The following PIH1D1 variants were observed in gnomAD, a reference collection of about 807,000 sequenced individuals.
PIH1D1 encodes the protein PIH1 domain-containing protein 1.
A neutral mutation model predicts 38.5 loss-of-function variants in PIH1D1; 28 were observed. That is an observed-to-expected ratio of 0.73 (90% CI 0.54 to 1.00). The LOEUF (loss-of-function observed/expected upper bound fraction) is 1.00, where lower values mean the gene tolerates loss of function less well. PIH1D1 is among the 50% of genes least tolerant of loss of function. The pLI, the probability that PIH1D1 is intolerant of heterozygous loss-of-function variation, is 0.00. For missense variants in PIH1D1, 343 were observed against 369.9 expected (o/e 0.93, Z 0.60); for synonymous variants, 155 against 153.5 (o/e 1.01, Z -0.07).
At chr19:49,451,176 CCCG>C (rs1350294384) in intron 1 of PIH1D1, among the ~76,000 whole-genome samples, 2 of 151,836 alleles carry the variant, frequency 1.3e-5, no homozygotes, top group African/African-American at 4.8e-5. Flanking sequence ...ACTACAGGTG[CCCG>C]CCACCACGCC....
At chr19:49,450,687 C>G in intron 2 of PIH1D1, 95 bp downstream of exon 2, 2 of 491,304 alleles carry the variant, frequency 4.1e-6, no homozygotes, top group South Asian at 6.9e-5. Flanking sequence ...ACCCCACCCC[C>G]ACCCTAGGCC....
intron 3 of PIH1D1, 133 bp downstream of exon 3, chr19:49,449,342 T>G: frequency 3.6e-6 from 3 of 841,588 alleles, no homozygotes; most frequent in Non-Finnish European, 3.9e-6. Context: ...AGATCTACCA[T>G]AGGGAAAAGA....
At chr19:49,450,523 A>G (rs571589560) in intron 2 of PIH1D1, among the ~76,000 whole-genome samples, 10 of 152,026 alleles carry the variant, frequency 6.6e-5, no homozygotes, top group African/African-American at 2.4e-4. Flanking sequence ...GGTTCCAGCA[A>G]TTCTCCTGTC....
chr19:49,451,259 G>A, intron 1 of PIH1D1: 1 of 550,336 alleles, frequency 1.8e-6, no homozygotes, highest in Non-Finnish European at 3.2e-6. Flanking sequence ...TCGATCTCCT[G>A]ACCTCGTGAT....
In PIH1D1 at chr19:49,446,703, G is replaced by T. The variant is rs769252312; in HGVS notation, c.688-9C>A. 6.5e-7 allele frequency: 1 copy of T among 1,543,456 alleles called. No homozygotes were observed. Among genetic ancestry groups the T allele is most frequent in the South Asian group, 1.3e-5 (1 of 78,836 alleles). On this transcript the variant is annotated splice_polypyrimidine_tract_variant and intron_variant, in intron 7 of 8. Coordinates refer to ENST00000262265, the MANE Select transcript of PIH1D1 (RefSeq NM_017916.3). ...AGCCCCAGGGCTCCATCCTGGAGAG[G>T]TGGCGGAATCAGGTCACCCTCCCCA...
intron 3 of PIH1D1, 32 bp from the exon 4 acceptor site, chr19:49,448,094 C>A: frequency 6.2e-7 from 1 of 1,605,290 alleles, no homozygotes; most frequent in South Asian, 1.1e-5. Flanking sequence ...GAGGACCCCC[C>A]AGCCCTCTGC....
rs778063642 is a variant in PIH1D1, at chr19:49,451,774, C to G, written c.-200G>C. On this transcript the variant is annotated 5_prime_UTR_variant, in exon 1 of 9. Coordinates refer to ENST00000262265, the MANE Select transcript of PIH1D1 (RefSeq NM_017916.3). ...TCAAATCCGTGGGGAATATGTGTCTCTAGACGCACTACCCTCCGTCCTACG... is the reference window on the plus strand; with the variant it reads ...TCAAATCCGTGGGGAATATGTGTCTGTAGACGCACTACCCTCCGTCCTACG... 1.5e-5 allele frequency: 21 copies of G among 1,393,966 alleles called. No individual in the cohort carries two copies. Among genetic ancestry groups the G allele is most frequent in the Non-Finnish European group, 1.7e-5 (18 of 1,070,690 alleles). The allele number at this position is 1,393,966 out of a possible 1,614,324, so 86.3% of individuals were successfully genotyped here. A position where few individuals can be genotyped will look rare whatever the true frequency, so the allele number is the denominator to read the frequency against.
chr19:49,449,751 C>A (rs2079046710), intron 2 of PIH1D1, 97 bp from the exon 3 acceptor site: 1 of 1,078,508 alleles, frequency 9.3e-7, no homozygotes, highest in East Asian at 2.6e-5. Context: ...TTTGCCCTGT[C>A]CCCCTTTTTT....
chr19:49,447,236 A>G (rs1175855439), intron 6 of PIH1D1, 102 bp downstream of exon 6: 3 of 1,537,060 alleles, frequency 2.0e-6, no homozygotes, highest in Non-Finnish European at 2.7e-6. Context: ...TCCCTCTCTC[A>G]GTGCCCAGGG....
rs1278427826 is a variant in PIH1D1 at position 49,449,470 on chromosome 19, C to T, written c.337+5G>A. The T allele has an allele frequency of 6.2e-7, 1 of 1,614,072 alleles. No homozygotes were observed. The highest frequency in any genetic ancestry group is 8.5e-7 in the Non-Finnish European group (1 of 1,179,948). ...CAGACTCCTGGGTCCTCTGAGGGCA[C>T]TGACTTGCATCCAGTTCTGCATGAG... is the stretch of plus-strand genomic sequence containing the variant. On this transcript the variant is annotated splice_donor_5th_base_variant and intron_variant, in intron 3 of 8. Transcript: ENST00000262265.
At position 49,447,415 on chromosome 19, in the gene PIH1D1, G is replaced by A. The variant is rs1440168932; in HGVS notation, c.534C>T (p.Asn178=). 4 of 1,612,966 alleles carry A rather than the reference G, an allele frequency of 2.5e-6. No individual in the cohort carries two copies. In the South Asian group the frequency reaches 3.3e-5, roughly 13 times the overall value. Residue 178 remains asparagine (N), a synonymous_variant, in exon 6 of 9, where the codon AAC becomes AAT. Coordinates refer to ENST00000262265, the MANE Select transcript of PIH1D1 (RefSeq NM_017916.3). The part of the protein sequence containing the change: ...RPFMGSISQQ[N]IRSEQRPRIQ... The stretch of plus-strand genomic sequence containing the variant: ...TCCGAGGACGCTGCTCCGAGCGGAT[G>A]TTCTGCTGCGAGATGGAGCCCATGA...
chr19:49,448,341 G>A, intron 3 of PIH1D1: 1 of 492,212 alleles, frequency 2.0e-6, no homozygotes, highest in East Asian at 3.7e-5. Flanking sequence ...CCAAGTGAAG[G>A]TCTGAGCCCC....
intron 3 of PIH1D1, chr19:49,448,418 T>C (rs1348308655): frequency 6.1e-6 from 2 of 326,596 alleles, no homozygotes; most frequent in Non-Finnish European, 1.2e-5. Flanking sequence ...CTCATTCTTC[T>C]AGCAACCTCG....
intron 3 of PIH1D1, chr19:49,449,226 G>A (rs919411476): frequency 6.1e-6 from 4 of 656,002 alleles, no homozygotes; most frequent in African/African-American, 5.3e-5. Flanking sequence ...TGCACGAAGA[G>A]CACTCTGCCC....
chr19:49,451,769 T>C lies in PIH1D1; in HGVS notation c.-195A>G. 7.1e-7 allele frequency: 1 copy of C among 1,407,256 alleles called. No individual in the cohort carries two copies. Among genetic ancestry groups the C allele is most frequent in the South Asian group, 1.5e-5 (1 of 65,248 alleles). The allele number at this position is 1,407,256 out of a possible 1,614,324, so 87.2% of individuals were successfully genotyped here. A position where few individuals can be genotyped will look rare whatever the true frequency, so the allele number is the denominator to read the frequency against. ...CATCGTCAAATCCGTGGGGAATATG[T>C]GTCTCTAGACGCACTACCCTCCGTC... is the stretch of plus-strand genomic sequence containing the variant. On this transcript the variant is annotated 5_prime_UTR_variant, in exon 1 of 9. Coordinates refer to ENST00000262265, the MANE Select transcript of PIH1D1 (RefSeq NM_017916.3).
chr19:49,446,907 G>T, intron 7 of PIH1D1, 117 bp downstream of exon 7: 1 of 1,117,744 alleles, frequency 8.9e-7, no homozygotes, highest in Non-Finnish European at 1.3e-6. Flanking sequence ...TGGGCCTCCT[G>T]GCAGAGAGGA....
chr19:49,451,445 TC>T, intron 1 of PIH1D1, 39 bp downstream of exon 1: 1 of 1,612,492 alleles, frequency 6.2e-7, no homozygotes, highest in Non-Finnish European at 8.5e-7. Flanking sequence ...CCCGCCAAAA[TC>T]CCCGAATACT....
At chr19:49,448,746 G>A (rs763430467) in intron 3 of PIH1D1, among the ~76,000 whole-genome samples, 7 of 152,222 alleles carry the variant, frequency 4.6e-5, no homozygotes, top group Non-Finnish European at 1.0e-4. Flanking sequence ...GCATTTCATA[G>A]GTCCTTATTC....
At chr19:49,449,974 T>C (rs1480134864) in intron 2 of PIH1D1, among the ~76,000 whole-genome samples, 1 of 152,136 alleles carries the variant, frequency 6.6e-6, no homozygotes, top group African/African-American at 2.4e-5. Flanking sequence ...TTCGTATTTT[T>C]AGTAGAGATG....
Sources: gnomAD v4.1 joint callset for allele counts (sites outside exome capture counted in the v4.1 genomes callset) on GRCh38, gnomAD v4.1.1 for gene constraint, MANE v1.5 for transcripts, NCBI Gene and HGNC (gene_info 2026-07-23, HGNC 2026-07-21) for gene names.